CHSY3: variants seen among roughly 807,000 people sequenced by gnomAD.
CHSY3 encodes the protein chondroitin sulfate synthase 3.
In CHSY3, 35 loss-of-function variants were observed where a neutral mutation model predicts 67.2. The ratio of observed to expected loss-of-function variants is 0.52; its 90% CI spans 0.40 to 0.69. The LOEUF (loss-of-function observed/expected upper bound fraction) is 0.69, where lower values mean the gene tolerates loss of function less well. Among genes scored for constraint, CHSY3 ranks in the 30% least tolerant of loss-of-function variants. The pLI is 0.00. For synonymous variants in CHSY3, 474 were observed against 434.7 expected (o/e 1.09, Z -1.12); for missense variants, 1,069 against 1,138.5 (o/e 0.94, Z 0.88).
At chr5:130,169,648 C>G (rs573781709) in intron 2 of CHSY3, among the ~76,000 whole-genome samples, 1 of 149,774 alleles carries the variant, frequency 6.7e-6, no homozygotes, top group East Asian at 2.0e-4. Context: ...TTAAGCTTTT[C>G]ACAAGGCTAA....
At position 130,136,047 on chromosome 5, in the gene CHSY3, A is replaced by C. The variant is rs1380934572; in HGVS notation, c.1087-48182A>C. Among the ~76,000 whole-genome samples the C allele has an allele frequency of 2.6e-5, 4 of 152,238 alleles. No individual in the cohort carries two copies. The East Asian group carries it at 7.7e-4, about 29-fold the overall frequency. The stretch of plus-strand genomic sequence containing the variant: ...TGTGTTCGTTAAAGCTGTTAAAGAA[A>C]ACAAGCGAAGTGTTTAAGACAAAGT... On this transcript the variant is annotated intron_variant, in intron 2 of 2. Coordinates refer to ENST00000305031, the MANE Select transcript of CHSY3 (RefSeq NM_175856.5).
At chr5:130,042,752 C>T (rs1227974719) in intron 2 of CHSY3, among the ~76,000 whole-genome samples, 1 of 152,056 alleles carries the variant, frequency 6.6e-6, no homozygotes, top group Non-Finnish European at 1.5e-5. Flanking sequence ...TTTAGTTTCT[C>T]ACTCTTCATA....
At chr5:130,007,910 T>C (rs1763922258) in intron 2 of CHSY3, among the ~76,000 whole-genome samples, 1 of 152,152 alleles carries the variant, frequency 6.6e-6, no homozygotes, top group East Asian at 1.9e-4. Context: ...CAGCCTCAGA[T>C]GTTCATATGG....
chr5:129,947,202 A>G (rs979070699), intron 2 of CHSY3, among the ~76,000 whole-genome samples: 1 of 152,182 alleles, frequency 6.6e-6, no homozygotes, highest in African/African-American at 2.4e-5. Flanking sequence ...AAAGCCCATT[A>G]TAAAGCCATC....
intron 2 of CHSY3, among the ~76,000 whole-genome samples, chr5:130,174,731 C>T (rs1305370425): frequency 1.3e-5 from 2 of 152,082 alleles, no homozygotes; most frequent in African/African-American, 4.8e-5. Context: ...AATACAAATA[C>T]TCATTTAACA....
intron 2 of CHSY3, among the ~76,000 whole-genome samples, chr5:130,153,358 CT>C (rs772592292): frequency 6.6e-5 from 10 of 151,958 alleles, no homozygotes; most frequent in Non-Finnish European, 1.3e-4. Flanking sequence ...AATTTGTTGC[CT>C]TTGTATACCC....
intron 2 of CHSY3, among the ~76,000 whole-genome samples, chr5:130,090,252 T>C (rs1435883361): frequency 1.3e-5 from 2 of 152,120 alleles, no homozygotes; most frequent in Non-Finnish European, 2.9e-5. Context: ...AGGCTTAGGA[T>C]GGTGTTAGTG....
At chr5:129,963,621 T>A (rs1042538507) in intron 2 of CHSY3, among the ~76,000 whole-genome samples, 1 of 152,020 alleles carries the variant, frequency 6.6e-6, no homozygotes, top group Admixed American at 6.6e-5. Context: ...TTTTTAGTTG[T>A]GTTTGGGACA....
chr5:130,137,938 G>GT (rs1182527233), intron 2 of CHSY3, among the ~76,000 whole-genome samples: 1 of 151,688 alleles, frequency 6.6e-6, no homozygotes, highest in African/African-American at 2.4e-5. Flanking sequence ...GTCTGTTTTT[G>GT]TTTTTTTGGT....
chr5:130,168,243 C>G (rs1769804467), intron 2 of CHSY3, among the ~76,000 whole-genome samples: 2 of 152,124 alleles, frequency 1.3e-5, no homozygotes, highest in African/African-American at 4.8e-5. Flanking sequence ...GGTCTCTCAG[C>G]AGCACTTCAT....
intron 2 of CHSY3, among the ~76,000 whole-genome samples, chr5:129,929,169 A>G (rs552117453): frequency 6.6e-6 from 1 of 152,312 alleles, no homozygotes; most frequent in Non-Finnish European, 1.5e-5. Flanking sequence ...AAAGGCCCAG[A>G]ATGAACTACT....
chr5:129,983,238 G>T (rs1255018168), intron 2 of CHSY3, among the ~76,000 whole-genome samples: 1 of 151,942 alleles, frequency 6.6e-6, no homozygotes, highest in African/African-American at 2.4e-5. Flanking sequence ...CTAGAATAGG[G>T]AGATTAAATC....
intron 2 of CHSY3, among the ~76,000 whole-genome samples, chr5:130,130,642 G>A (rs1282005866): frequency 1.3e-5 from 2 of 152,104 alleles, no homozygotes; most frequent in Admixed American, 6.6e-5. Flanking sequence ...CTTGATCATA[G>A]ACATCAGTCT....
At chr5:130,157,245 A>G (rs1769397808) in intron 2 of CHSY3, among the ~76,000 whole-genome samples, 1 of 152,252 alleles carries the variant, frequency 6.6e-6, no homozygotes, top group African/African-American at 2.4e-5. Flanking sequence ...CTGTATTTTT[A>G]AAAGGCCAAA....
chr5:130,090,199 C>T (rs560764479), intron 2 of CHSY3, among the ~76,000 whole-genome samples: 2 of 152,262 alleles, frequency 1.3e-5, no homozygotes, highest in African/African-American at 4.8e-5. Context: ...GCTACCTCTC[C>T]ATTGGAGAGT....
chr5:130,055,703 C>G (rs1033506773), intron 2 of CHSY3, among the ~76,000 whole-genome samples: 2 of 151,890 alleles, frequency 1.3e-5, no homozygotes, highest in South Asian at 4.2e-4. Flanking sequence ...GCAGCAGCAG[C>G]TGCTGCTGCT....
intron 2 of CHSY3, among the ~76,000 whole-genome samples, chr5:129,912,499 T>C (rs1312588141): frequency 1.3e-5 from 2 of 152,126 alleles, no homozygotes; most frequent in East Asian, 1.9e-4. Flanking sequence ...GCCCAGGTGG[T>C]CTGGGGAAAT....
intron 2 of CHSY3, among the ~76,000 whole-genome samples, chr5:130,114,180 T>G (rs1767700646): frequency 6.6e-6 from 1 of 152,194 alleles, no homozygotes; most frequent in Non-Finnish European, 1.5e-5. Flanking sequence ...TAATTGTGGT[T>G]CTTGATATTA....
chr5:129,905,252 G>T lies in CHSY3; in HGVS notation c.423G>T (p.Ala141=). 2.1e-6 allele frequency: 3 copies of T among 1,458,004 alleles called. No individual in the cohort carries two copies. Among genetic ancestry groups the T allele is most frequent in the Non-Finnish European group, 2.7e-6 (3 of 1,107,880 alleles). 90.3% of individuals were successfully genotyped at this position (1,458,004 alleles called of 1,614,324 possible). The change falls in exon 1 of 3, where the codon GCG becomes GCT. Residue 141 remains alanine, a synonymous_variant. Coordinates refer to ENST00000305031, the MANE Select transcript of CHSY3 (RefSeq NM_175856.5). ...AGCCCGAGGAGGAGGACGGGGGCGC[G>T]GCTGGGCAGCGGAGAGACGGCCGGC... The part of the protein sequence containing the change: ...EGEPEEEDGG[A]AGQRRDGRPG...
Sources: gnomAD v4.1 joint callset for allele counts (sites outside exome capture counted in the v4.1 genomes callset) on GRCh38, gnomAD v4.1.1 for gene constraint, MANE v1.5 for transcripts, NCBI Gene and HGNC (gene_info 2026-07-23, HGNC 2026-07-21) for gene names.